Variants in PDE4D observed in about 807,000 individuals in gnomAD.
PDE4D encodes 3',5'-cyclic-AMP phosphodiesterase 4D.
A neutral mutation model predicts 87.4 loss-of-function variants in PDE4D; 24 were observed. The ratio of observed to expected loss-of-function variants is 0.27; its 90% CI spans 0.20 to 0.39. The LOEUF is 0.39. PDE4D is among the 10% of genes least tolerant of loss of function. PDE4D has a pLI of 1.00. For synonymous variants in PDE4D, 384 were observed against 383.2 expected, an observed-to-expected ratio of 1.00 and a Z score of -0.02; for missense variants, 714 against 1,041.0, an observed-to-expected ratio of 0.69 and a Z score of 4.32.
chr5:59,477,106 A>T (rs937167649), intron 1 of PDE4D, among the ~76,000 whole-genome samples: 7 of 151,920 alleles, frequency 4.6e-5, no homozygotes, highest in African/African-American at 1.4e-4. Context: ...GAATATATAA[A>T]GGCAACTGTA....
intron 1 of PDE4D, among the ~76,000 whole-genome samples, chr5:59,333,439 G>A (rs552799103): frequency 6.6e-6 from 1 of 152,240 alleles, no homozygotes; most frequent in East Asian, 1.9e-4. Flanking sequence ...CATGCTTCTT[G>A]GGAAGGAAGA....
chr5:59,212,461 T>C (rs1479942094), intron 2 of PDE4D, among the ~76,000 whole-genome samples: 3 of 152,068 alleles, frequency 2.0e-5, no homozygotes, highest in Non-Finnish European at 2.9e-5. Context: ...TGTTGACTCA[T>C]GGTCTGATTA....
intron 1 of PDE4D, among the ~76,000 whole-genome samples, chr5:60,354,147 G>A (rs2149934556): frequency 6.6e-6 from 1 of 152,220 alleles, no homozygotes; most frequent in Middle Eastern, 3.4e-3. Flanking sequence ...AATTACCTTA[G>A]AGGTGAATAA....
chr5:59,171,882 ATTTATT>A (rs1782844595), intron 5 of PDE4D, among the ~76,000 whole-genome samples: 1 of 128,878 alleles, frequency 7.8e-6, no homozygotes, highest in African/African-American at 3.1e-5. Context: ...TGAGAAATAT[ATTTATT>A]ATATAATAAG....
At chr5:59,682,598 C>T (rs938405317) in intron 1 of PDE4D, among the ~76,000 whole-genome samples, 1 of 152,142 alleles carries the variant, frequency 6.6e-6, no homozygotes, top group African/African-American at 2.4e-5. Context: ...GGACAGAGCC[C>T]TCATGAATGG....
At chr5:59,397,857 G>A (rs1288984167) in intron 1 of PDE4D, among the ~76,000 whole-genome samples, 1 of 123,400 alleles carries the variant, frequency 8.1e-6, no homozygotes, top group Admixed American at 8.0e-5. Context: ...GAAAAAAAGA[G>A]AGAAGAATCA....
rs535854498 is a variant in PDE4D at position 59,711,072 on chromosome 5, A to G, written c.455+182096T>C. On this transcript the variant is annotated intron_variant, in intron 1 of 14. Coordinates refer to ENST00000340635, the MANE Select transcript of PDE4D (RefSeq NM_001104631.2). ...AGGGTTCTCTATTGTCTTCTCTAATAGGACCTGCAGAGGAAAAGATACAAA... is the reference window on the plus strand; with the variant it reads ...AGGGTTCTCTATTGTCTTCTCTAATGGGACCTGCAGAGGAAAAGATACAAA... 1.2e-4 allele frequency among the ~76,000 whole-genome samples: 19 copies of G among 152,296 alleles called. No individual in the cohort carries two copies. In the East Asian group the frequency reaches 3.7e-3, roughly 29 times the overall value.
At chr5:60,357,818 T>C (rs919351770) in intron 1 of PDE4D, among the ~76,000 whole-genome samples, 1 of 152,214 alleles carries the variant, frequency 6.6e-6, no homozygotes, top group Non-Finnish European at 1.5e-5. Context: ...AATAATAATA[T>C]GTTTTTATTC....
rs894914272 is a variant in PDE4D, at chr5:59,120,926, T to A, written c.808+59669A>T. Among the ~76,000 whole-genome samples, 4 of 152,158 alleles carry A rather than the reference T, an allele frequency of 2.6e-5. No homozygotes were observed. The South Asian group carries it at 8.3e-4, about 31-fold the overall frequency. Reference sequence around the variant, plus strand: ...GACAGAGAGCATAATGATAGATACATTTGATTTTCTATAAAGGCACCAAGA... The same window carrying A: ...GACAGAGAGCATAATGATAGATACAATTGATTTTCTATAAAGGCACCAAGA... On this transcript the variant is annotated intron_variant, in intron 5 of 14. Transcript: ENST00000340635.
At chr5:59,734,759 T>C (rs1757853335) in intron 1 of PDE4D, among the ~76,000 whole-genome samples, 1 of 152,122 alleles carries the variant, frequency 6.6e-6, no homozygotes, top group South Asian at 2.1e-4. Context: ...AGAAAAGAGT[T>C]TGGAAATGTG....
At chr5:60,416,440 G>T (rs776064278) in intron 1 of PDE4D, among the ~76,000 whole-genome samples, 1 of 152,068 alleles carries the variant, frequency 6.6e-6, no homozygotes, top group Non-Finnish European at 1.5e-5. Context: ...CACTGCAAAG[G>T]TCTGCAGCTT....
chr5:59,782,082 A>G (rs962158754), intron 1 of PDE4D, among the ~76,000 whole-genome samples: 4 of 152,174 alleles, frequency 2.6e-5, no homozygotes, highest in African/African-American at 9.7e-5. Flanking sequence ...ACATAATTAA[A>G]CTTTAGATAA....
chr5:59,327,464 A>G (rs1458831042), intron 1 of PDE4D, among the ~76,000 whole-genome samples: 1 of 152,114 alleles, frequency 6.6e-6, no homozygotes, highest in African/African-American at 2.4e-5. Context: ...TACCTTAAGA[A>G]AGCGATAGCA....
intron 1 of PDE4D, among the ~76,000 whole-genome samples, chr5:59,336,098 G>A (rs542275671): frequency 6.6e-6 from 1 of 152,272 alleles, no homozygotes; most frequent in Admixed American, 6.5e-5. Context: ...TAGCTCTATC[G>A]CTTTTTGCTG....
At chr5:59,230,839 G>A (rs1308518080) in intron 1 of PDE4D, among the ~76,000 whole-genome samples, 1 of 152,182 alleles carries the variant, frequency 6.6e-6, no homozygotes, top group African/African-American at 2.4e-5. Context: ...GGGCTTGAAT[G>A]AATGGCGAAG....
At chr5:59,330,988 C>G (rs1019215037) in intron 1 of PDE4D, among the ~76,000 whole-genome samples, 1 of 152,166 alleles carries the variant, frequency 6.6e-6, no homozygotes, top group Non-Finnish European at 1.5e-5. Flanking sequence ...AACCGCCTGT[C>G]CTTCTGGATC....
At chr5:59,469,411 G>T (rs912858046) in intron 1 of PDE4D, among the ~76,000 whole-genome samples, 1 of 152,148 alleles carries the variant, frequency 6.6e-6, no homozygotes, top group African/African-American at 2.4e-5. Context: ...AGTAATTTTT[G>T]TAAATATTTA....
intron 1 of PDE4D, among the ~76,000 whole-genome samples, chr5:59,444,800 A>G (rs1303293128): frequency 6.6e-6 from 1 of 152,128 alleles, no homozygotes; most frequent in Non-Finnish European, 1.5e-5. Context: ...TGACAGCGAG[A>G]GTCCGCCTCA....
chr5:59,273,734 C>G (rs1357468902), intron 1 of PDE4D, among the ~76,000 whole-genome samples: 1 of 151,932 alleles, frequency 6.6e-6, no homozygotes, highest in African/African-American at 2.4e-5. Context: ...ATTAACAAAT[C>G]AAAATATTTA....
Sources: allele counts gnomAD v4.1 joint callset (sites outside exome capture counted in the v4.1 genomes callset), GRCh38; gene constraint gnomAD v4.1.1; transcripts MANE v1.5; gene names NCBI Gene and HGNC (gene_info 2026-07-23, HGNC 2026-07-21).